The following CYP7B1 variants were observed in gnomAD, a reference collection of about 807,000 sequenced individuals.
The protein encoded by CYP7B1 is cytochrome P450 7B1.
Under a neutral mutation model 42.7 loss-of-function variants are expected in CYP7B1, and 29 were observed. The ratio of observed to expected loss-of-function variants is 0.68; its 90% CI spans 0.51 to 0.93. The LOEUF (loss-of-function observed/expected upper bound fraction) is 0.93, where lower values mean the gene tolerates loss of function less well. Among genes scored for constraint, CYP7B1 ranks in the 40% least tolerant of loss-of-function variants. CYP7B1 has a pLI of 0.00. For synonymous variants in CYP7B1, 235 were observed against 218.2 expected (o/e 1.08, Z -0.68); for missense variants, 655 against 600.5 (o/e 1.09, Z -0.95).
At chr8:64,702,525 C>T (rs143272597) in intron 1 of CYP7B1, among the ~76,000 whole-genome samples, 375 of 152,122 alleles carry the variant, frequency 2.5e-3, no homozygotes, top group African/African-American at 8.3e-3. Flanking sequence ...ATACAAGTGA[C>T]TTTGATAACA....
intron 1 of CYP7B1, among the ~76,000 whole-genome samples, chr8:64,627,540 A>C (rs1383426144): frequency 1.3e-5 from 2 of 152,196 alleles, no homozygotes; most frequent in Non-Finnish European, 2.9e-5. Context: ...GTCATATTCT[A>C]ATTTAAAGCA....
chr8:64,659,196 G>T (rs771948743), intron 1 of CYP7B1, among the ~76,000 whole-genome samples: 1 of 152,172 alleles, frequency 6.6e-6, no homozygotes, highest in Non-Finnish European at 1.5e-5. Flanking sequence ...CGGTAATGGA[G>T]AATTTGTGCA....
At chr8:64,764,978 A>G (rs1563420125) in intron 1 of CYP7B1, among the ~76,000 whole-genome samples, 1 of 125,734 alleles carries the variant, frequency 8.0e-6, no homozygotes, top group Non-Finnish European at 1.7e-5. Flanking sequence ...TGATTGAGGA[A>G]AAAAAAAAAA....
In CYP7B1 at chr8:64,798,496, A is replaced by T. The variant is rs886063076; in HGVS notation, c.92T>A (p.Leu31Gln). 13 of 1,511,678 alleles carry T rather than the reference A, an allele frequency of 8.6e-6. No homozygotes were observed. The highest frequency in any genetic ancestry group is 1.1e-5 in the Non-Finnish European group (12 of 1,138,718). 93.6% of individuals were successfully genotyped at this position (1,511,678 alleles called of 1,614,324 possible). ...GCGCCGGACAAGCAAGCAGAGGGCC[A>T]GGAGCAGCAGGGCCGCGGCGAGGGC... Reference protein sequence around the residue: ...GLALAAALLLLALCLLVRRTR... With the variant: ...GLALAAALLLQALCLLVRRTR... The change falls in exon 1 of 6, where the codon CTG becomes CAG. Residue 31 changes from leucine to glutamine, a missense_variant. Leu to Gln is a moderately radical substitution (Grantham distance 113). Transcript: ENST00000310193.
At chr8:64,637,816 G>A (rs1170086518) in intron 1 of CYP7B1, among the ~76,000 whole-genome samples, 2 of 152,014 alleles carry the variant, frequency 1.3e-5, no homozygotes, top group Non-Finnish European at 2.9e-5. Flanking sequence ...TCATTTCTAT[G>A]TACTCATCAC....
chr8:64,771,210 GCCACCA>G (rs1804221834), intron 1 of CYP7B1, among the ~76,000 whole-genome samples: 1 of 151,362 alleles, frequency 6.6e-6, no homozygotes, highest in Admixed American at 6.6e-5. Flanking sequence ...ACAGGTGCAT[GCCACCA>G]TGCCCAGCTA....
intron 1 of CYP7B1, among the ~76,000 whole-genome samples, chr8:64,689,105 T>C (rs1279558204): frequency 1.3e-5 from 2 of 152,238 alleles, no homozygotes; most frequent in Non-Finnish European, 1.5e-5. Flanking sequence ...ATACATAGCA[T>C]ACATTTTGAG....
chr8:64,615,532 A>T lies in CYP7B1; in HGVS notation c.850+159T>A, dbSNP rs73689557. Among the ~76,000 whole-genome samples, 9,359 of 151,860 alleles carry T rather than the reference A, an allele frequency of 0.062. 890 individuals carry two copies. Among genetic ancestry groups the T allele is most frequent in the African/African-American group, 0.2 (8,466 of 41,318 alleles). ...TTACCACCTCAGCAAAAAAAAAAAAAATATCAATTATAGAGGGTTATATCA... is the reference window on the plus strand; with the variant it reads ...TTACCACCTCAGCAAAAAAAAAAAATATATCAATTATAGAGGGTTATATCA... On this transcript the variant is annotated intron_variant, in intron 3 of 5. Coordinates refer to ENST00000310193, the MANE Select transcript of CYP7B1 (RefSeq NM_004820.5).
chr8:64,627,329 G>A (rs572449814), intron 1 of CYP7B1, among the ~76,000 whole-genome samples: 28 of 152,278 alleles, frequency 1.8e-4, no homozygotes, highest in Non-Finnish European at 3.1e-4. Context: ...AGGAGACCAC[G>A]CATGTAACTG....
Position 64,651,341 on chromosome 8 carries a change from A to G in CYP7B1, c.123-26802T>C, listed in dbSNP as rs1218416682. On this transcript the variant is annotated intron_variant, in intron 1 of 5. Transcript: ENST00000310193. ...TAAAACAAAATGGTGTGACTCAAAG[A>G]TAATGTTGGAGAAGTGGATGAACAT... Among the ~76,000 whole-genome samples, 12 of 152,224 alleles carry G rather than the reference A, an allele frequency of 7.9e-5. No individual in the cohort carries two copies. In the East Asian group the frequency reaches 2.3e-3, roughly 29 times the overall value.
At chr8:64,689,583 T>C (rs1195507495) in intron 1 of CYP7B1, among the ~76,000 whole-genome samples, 3 of 152,292 alleles carry the variant, frequency 2.0e-5, no homozygotes, top group South Asian at 2.1e-4. Context: ...GTTTTTTTTT[T>C]TGGACAGGGT....
At chr8:64,761,420 A>T (rs1807888015) in intron 1 of CYP7B1, among the ~76,000 whole-genome samples, 1 of 152,188 alleles carries the variant, frequency 6.6e-6, no homozygotes, top group African/African-American at 2.4e-5. Context: ...AGATATACTC[A>T]TATAAAACAC....
At position 64,591,900 on chromosome 8, in the gene CYP7B1, A is replaced by G. The variant is rs1045666360; in HGVS notation, c.*4742T>C. 2.6e-5 allele frequency among the ~76,000 whole-genome samples: 4 copies of G among 152,172 alleles called. No individual in the cohort carries two copies. Among genetic ancestry groups the G allele is most frequent in the Non-Finnish European group, 4.4e-5 (3 of 68,034 alleles). ...CTTAGGTGAAGCTATAAAAATGAAA[A>G]GATGGGGGCGGGCACGGTGGCTCAT... On this transcript the variant is annotated 3_prime_UTR_variant, in exon 6 of 6. Transcript: ENST00000310193.
intron 4 of CYP7B1, among the ~76,000 whole-genome samples, chr8:64,608,985 C>T (rs768489700): frequency 1.3e-5 from 2 of 152,076 alleles, no homozygotes; most frequent in Non-Finnish European, 2.9e-5. Context: ...TGTTAAGGCC[C>T]TACTCTGCTT....
intron 1 of CYP7B1, among the ~76,000 whole-genome samples, chr8:64,692,306 A>C (rs72656463): frequency 1.3e-5 from 2 of 152,340 alleles, no homozygotes; most frequent in Non-Finnish European, 2.9e-5. Context: ...TCACTTACTC[A>C]TGTCTTTTTT....
At chr8:64,614,841 TTAATGTTTA>T (rs1478411983) in intron 4 of CYP7B1, among the ~76,000 whole-genome samples, 176 bp downstream of exon 4, 7 of 152,158 alleles carry the variant, frequency 4.6e-5, no homozygotes, top group Non-Finnish European at 5.9e-5. Context: ...TACCTAGGCC[TTAATGTTTA>T]CATGCAATGA....
intron 2 of CYP7B1, among the ~76,000 whole-genome samples, chr8:64,623,344 A>G (rs1481433496): frequency 6.6e-6 from 1 of 152,102 alleles, no homozygotes; most frequent in African/African-American, 2.4e-5. Flanking sequence ...CTCCCTTGAG[A>G]CACTAACTGC....
intron 1 of CYP7B1, among the ~76,000 whole-genome samples, chr8:64,728,276 C>G (rs1368269492): frequency 3.9e-5 from 6 of 152,172 alleles, no homozygotes; most frequent in Non-Finnish European, 8.8e-5. Flanking sequence ...ATGTATCATA[C>G]CACCAAGTTA....
At chr8:64,666,931 T>A (rs1052115556) in intron 1 of CYP7B1, among the ~76,000 whole-genome samples, 1 of 152,204 alleles carries the variant, frequency 6.6e-6, no homozygotes, top group Non-Finnish European at 1.5e-5. Flanking sequence ...TTGTTCAATT[T>A]CTAATGTCTT....
Sources: allele counts gnomAD v4.1 joint callset (sites outside exome capture counted in the v4.1 genomes callset), GRCh38; gene constraint gnomAD v4.1.1; transcripts MANE v1.5; gene names NCBI Gene and HGNC (gene_info 2026-07-23, HGNC 2026-07-21).